The following NTNG2 variants were observed in gnomAD, a reference collection of about 807,000 sequenced individuals.
NTNG2 encodes netrin-G2.
A neutral mutation model predicts 47.6 loss-of-function variants in NTNG2; 15 were observed. The ratio of observed to expected loss-of-function variants is 0.32; its 90% CI spans 0.21 to 0.49. NTNG2 has a LOEUF of 0.49. NTNG2 is among the 20% of genes least tolerant of loss of function. NTNG2 has a pLI of 0.99. For synonymous variants in NTNG2, 307 were observed against 324.6 expected, an observed-to-expected ratio of 0.95 and a Z score of 0.58; for missense variants, 578 against 764.6, an observed-to-expected ratio of 0.76 and a Z score of 2.88.
In NTNG2 at chr9:132,182,214, C is replaced by T. The variant is rs1837000451; in HGVS notation, c.213+15170C>T. 6.6e-6 allele frequency among the ~76,000 whole-genome samples: 1 copy of T among 152,220 alleles called. No homozygotes were observed. Among genetic ancestry groups the T allele is most frequent in the South Asian group, 2.1e-4 (1 of 4,838 alleles). ...CTCTGGGGAAGGCGAGATGGCTTTG[C>T]CTGGAGGAACCTGATTGTTTTTCTG... On this transcript the variant is annotated intron_variant, in intron 2 of 7. Transcript: ENST00000393229. This position sits in a 1 kb window ranked among gnomAD's most constrained non-coding sequence, Gnocchi z 4.2.
At chr9:132,187,599 G>C (rs1564397667) in intron 2 of NTNG2, among the ~76,000 whole-genome samples, 1 of 138,036 alleles carries the variant, frequency 7.2e-6, no homozygotes. Context: ...GAGAGAGAGG[G>C]ACAGAAAACA....
chr9:132,203,495 C>T (rs774280465), intron 3 of NTNG2, among the ~76,000 whole-genome samples: 15 of 152,144 alleles, frequency 9.9e-5, no homozygotes, highest in Admixed American at 5.2e-4. Context: ...GTGGACCAAA[C>T]ATTCCAGATC....
Position 132,242,241 on chromosome 9 carries a change from C to G in NTNG2, c.*130C>G, listed in dbSNP as rs1383179053. On this transcript the variant is annotated 3_prime_UTR_variant, in exon 8 of 8. Transcript: ENST00000393229. The surrounding 1 kb of genome is among the most constrained non-coding windows in gnomAD (Gnocchi z 5.9). ...TGCTCCCAGGTGCTACTCAGCAGGGCCCCCCGCCCGGCCCGCGCTCCCGCC... is the reference window on the plus strand; with the variant it reads ...TGCTCCCAGGTGCTACTCAGCAGGGGCCCCCGCCCGGCCCGCGCTCCCGCC... 3.6e-6 allele frequency: 1 copy of G among 279,686 alleles called. No homozygotes were observed. Among genetic ancestry groups the G allele is most frequent in the Admixed American group, 6.0e-5 (1 of 16,704 alleles). 17.3% of individuals were successfully genotyped at this position (279,686 alleles called of 1,614,324 possible).
chr9:132,184,276 G>A (rs1837170028), intron 2 of NTNG2, among the ~76,000 whole-genome samples: 1 of 152,202 alleles, frequency 6.6e-6, no homozygotes, highest in Non-Finnish European at 1.5e-5. Flanking sequence ...CCCGTCCATC[G>A]GGTGCTGTGT....
rs1837060046 is a variant in NTNG2 at position 132,182,936 on chromosome 9, A to G, written c.214-15030A>G. Among the ~76,000 whole-genome samples the G allele has an allele frequency of 6.6e-6, 1 of 152,070 alleles. No homozygotes were observed. Among genetic ancestry groups the G allele is most frequent in the Non-Finnish European group, 1.5e-5 (1 of 68,000 alleles). ...CTTCAGCAGCCTCTCTGGGCGGCCC[A>G]GCAGGAGGAGGCATTAAACCTCCCC... On this transcript the variant is annotated intron_variant, in intron 2 of 7. Transcript: ENST00000393229. The surrounding 1 kb of genome is among the most constrained non-coding windows in gnomAD (Gnocchi z 4.2).
intron 2 of NTNG2, among the ~76,000 whole-genome samples, chr9:132,168,240 G>T (rs1331564576): frequency 3.3e-5 from 5 of 152,220 alleles, no homozygotes; most frequent in African/African-American, 1.2e-4. Flanking sequence ...GTGCTCCGGA[G>T]GCCGTCCCTG....
At chr9:132,195,101 TTCTC>T (rs1037518984) in intron 2 of NTNG2, among the ~76,000 whole-genome samples, 1 of 152,248 alleles carries the variant, frequency 6.6e-6, no homozygotes, top group African/African-American at 2.4e-5. Flanking sequence ...TTTTCTTTCT[TTCTC>T]TTTCTTTCTT....
intron 3 of NTNG2, among the ~76,000 whole-genome samples, chr9:132,213,053 T>G (rs1839714316): frequency 6.6e-6 from 1 of 152,086 alleles, no homozygotes; most frequent in African/African-American, 2.4e-5. Context: ...GCACAATGGC[T>G]CATGCCTGTA....
chr9:132,233,243 G>A (rs758283244), intron 5 of NTNG2: 2 of 152,300 alleles, frequency 1.3e-5, no homozygotes, highest in Non-Finnish European at 2.9e-5. Flanking sequence ...GTTTGGCTGG[G>A]AGGCCAGATA....
intron 5 of NTNG2, 95 bp from the exon 6 acceptor site, chr9:132,239,009 C>A: frequency 7.8e-7 from 1 of 1,283,550 alleles, no homozygotes; most frequent in Non-Finnish European, 1.1e-6. Context: ...TTCCTCCGTC[C>A]CTGCATGACC....
chr9:132,239,241 G>A lies in NTNG2; in HGVS notation c.1192G>A (p.Ala398Thr), dbSNP rs769865279. The change falls in exon 6 of 8, where the codon GCA becomes ACA. Residue 398 changes from alanine (A) to threonine (T), a missense_variant. Transcript: ENST00000393229. Reference sequence around the variant, plus strand: ...GCTGGGCTACTACCGCAACGGCTCGGCAGAGCTGGATGATGAGAACGTCTG... The same window carrying A: ...GCTGGGCTACTACCGCAACGGCTCGACAGAGCTGGATGATGAGAACGTCTG... ...CRLGYYRNGS[A>T]ELDDENVCIE... is the part of the protein sequence containing the mutation. 1 of 1,613,698 alleles carries A rather than the reference G, an allele frequency of 6.2e-7. No homozygotes were observed. The highest frequency in any genetic ancestry group is 8.5e-7 in the Non-Finnish European group (1 of 1,180,030).
Position 132,198,222 on chromosome 9 carries a change from A to G in NTNG2, c.470A>G (p.Asn157Ser). The change falls in exon 3 of 8, where the codon AAC becomes AGC. Residue 157 changes from asparagine to serine, a missense_variant. By Grantham distance (46) the Asn-to-Ser change is conservative. Transcript: ENST00000393229. Reference sequence around the variant, plus strand: ...ATGGTCCTGGAGAAGTCCCTGGACAACGGGCGCACCTGGCAGCCCTACCAG... The same window carrying G: ...ATGGTCCTGGAGAAGTCCCTGGACAGCGGGCGCACCTGGCAGCCCTACCAG... ...TVMVLEKSLD[N>S]GRTWQPYQFY... 1 of 1,613,320 alleles carries G rather than the reference A, an allele frequency of 6.2e-7. No homozygotes were observed. Among genetic ancestry groups the G allele is most frequent in the Non-Finnish European group, 8.5e-7 (1 of 1,180,046 alleles).
At chr9:132,222,387 C>T (rs574432929) in intron 3 of NTNG2, among the ~76,000 whole-genome samples, 6 of 152,282 alleles carry the variant, frequency 3.9e-5, no homozygotes, top group Admixed American at 3.3e-4. Flanking sequence ...TCCTGCAGCA[C>T]GCATGTGGCA....
rs1206030412 is a variant in NTNG2, at chr9:132,231,431, C to T, written c.1054+836C>T. 2 of 434,542 alleles carry T rather than the reference C, an allele frequency of 4.6e-6. No individual in the cohort carries two copies. Among genetic ancestry groups the T allele is most frequent in the Non-Finnish European group, 9.3e-6 (2 of 214,940 alleles). The allele number at this position is 434,542 out of a possible 1,614,324, so 26.9% of individuals were successfully genotyped here. A position where few individuals can be genotyped will look rare whatever the true frequency, so the allele number is the denominator to read the frequency against. Reference sequence around the variant, plus strand: ...TTCTGGGGTGCACCGTCACCCTCCACCAGGGCTCTGTGGGGCCCCACATCC... The same window carrying T: ...TTCTGGGGTGCACCGTCACCCTCCATCAGGGCTCTGTGGGGCCCCACATCC... On this transcript the variant is annotated intron_variant, in intron 5 of 7. Transcript: ENST00000393229. The surrounding 1 kb of genome is among the most constrained non-coding windows in gnomAD (Gnocchi z 4.1).
intron 5 of NTNG2, among the ~76,000 whole-genome samples, chr9:132,235,707 TC>T (rs1162886903): frequency 6.6e-6 from 1 of 152,138 alleles, no homozygotes; most frequent in Non-Finnish European, 1.5e-5. Flanking sequence ...CCAGGTGGCC[TC>T]CCGTGCAGAA....
At chr9:132,189,064 C>CGTTTTTTTTTTTTT in intron 2 of NTNG2, among the ~76,000 whole-genome samples, 2 of 61,772 alleles carry the variant, frequency 3.2e-5, no homozygotes, top group East Asian at 4.4e-4. Context: ...GGCTTTAAGC[C>CGTTTTTTTTTTTTT]TTTCTTTTTT....
intron 7 of NTNG2, among the ~76,000 whole-genome samples, 178 bp from the exon 8 acceptor site, chr9:132,241,698 T>G (rs1037178987): frequency 6.6e-6 from 1 of 151,994 alleles, no homozygotes; most frequent in African/African-American, 2.4e-5. Context: ...GGGCCAGATC[T>G]CGCCCGGGCG....
intron 2 of NTNG2, among the ~76,000 whole-genome samples, chr9:132,187,590 AGAGAGAGG>A (rs992808220): frequency 1.4e-5 from 2 of 143,090 alleles, no homozygotes; most frequent in Admixed American, 6.9e-5. Flanking sequence ...AGAGAGAGAG[AGAGAGAGG>A]GACAGAAAAC....
intron 2 of NTNG2, among the ~76,000 whole-genome samples, chr9:132,189,068 C>CTTTGTTTTTTTTTTTTT (rs1837640741): frequency 1.1e-5 from 1 of 93,232 alleles, no homozygotes. Context: ...TTAAGCCTTT[C>CTTTGTTTTTTTTTTTTT]TTTTTTTTTT....
Sources: gnomAD v4.1 joint callset for allele counts (sites outside exome capture counted in the v4.1 genomes callset) on GRCh38, gnomAD v4.1.1 for gene constraint, Gnocchi (gnomAD v3.1) non-coding constraint, MANE v1.5 for transcripts, NCBI Gene and HGNC (gene_info 2026-07-23, HGNC 2026-07-21) for gene names.